Variants in DOCK11 observed in about 807,000 individuals in gnomAD.
The protein encoded by DOCK11 is dedicator of cytokinesis 11, also known as dedicator of cytokinesis protein 11.
Under a neutral mutation model 169.1 loss-of-function variants are expected in DOCK11, and 70 were observed. That is an observed-to-expected ratio of 0.41 (90% CI 0.34 to 0.51). The LOEUF is 0.51. DOCK11 is among the 20% of genes least tolerant of loss of function. The pLI, the probability that DOCK11 is intolerant of heterozygous loss-of-function variation, is 0.10. For synonymous variants in DOCK11, 529 were observed against 541.3 expected (o/e 0.98, Z 0.32); for missense variants, 1,166 against 1,538.8 (o/e 0.76, Z 4.05).
intron 45 of DOCK11, among the ~76,000 whole-genome samples, chrX:118,667,953 A>G (rs2016376993): frequency 8.9e-6 from 1 of 112,316 alleles, no homozygotes; most frequent in South Asian, 3.6e-4. Flanking sequence ...ATATAGAAAT[A>G]TAATTGATTT....
intron 1 of DOCK11, among the ~76,000 whole-genome samples, chrX:118,519,596 G>A (rs1482481838): frequency 9.0e-6 from 1 of 111,686 alleles, no homozygotes; most frequent in Admixed American, 9.5e-5. Flanking sequence ...GAGGCAAGGC[G>A]CTGATGAAAT....
intron 45 of DOCK11, among the ~76,000 whole-genome samples, chrX:118,665,056 C>G (rs1217166296): frequency 8.9e-6 from 1 of 111,894 alleles, no homozygotes; most frequent in African/African-American, 3.2e-5. Context: ...TCTACATAGT[C>G]TGTCTCCCTA....
At chrX:118,521,882 AC>A (rs1332750604) in intron 1 of DOCK11, among the ~76,000 whole-genome samples, 53 of 112,396 alleles carry the variant, frequency 4.7e-4, no homozygotes, top group African/African-American at 1.3e-3. Flanking sequence ...GGTAAAAAAA[AC>A]ATTTCTAAAA....
At chrX:118,514,240 C>T (rs1380233840) in intron 1 of DOCK11, among the ~76,000 whole-genome samples, 1 of 109,937 alleles carries the variant, frequency 9.1e-6, no homozygotes, top group African/African-American at 3.3e-5. Context: ...AGGCCCCCCC[C>T]ATCAATGCTG....
intron 6 of DOCK11, among the ~76,000 whole-genome samples, chrX:118,561,029 G>A (rs1002223758): frequency 1.8e-5 from 2 of 111,430 alleles, no homozygotes; most frequent in South Asian, 3.7e-4. Context: ...TTGGATTCGT[G>A]GTAATAGAAA....
chrX:118,507,770 T>G (rs772566228), intron 1 of DOCK11, among the ~76,000 whole-genome samples: 2 of 112,089 alleles, frequency 1.8e-5, no homozygotes, highest in South Asian at 7.4e-4. Context: ...ACATATCACA[T>G]AGTCATCACC....
chrX:118,679,698 C>T (rs1230358626), intron 48 of DOCK11, among the ~76,000 whole-genome samples: 2 of 110,918 alleles, frequency 1.8e-5, no homozygotes, highest in African/African-American at 6.6e-5. Context: ...ATGATCACAC[C>T]ACTGCACTTG....
At chrX:118,647,708 AATATAAT>A (rs1486722490) in intron 40 of DOCK11, among the ~76,000 whole-genome samples, 120 of 56,869 alleles carry the variant, frequency 2.1e-3, no homozygotes, top group South Asian at 4.6e-3. Flanking sequence ...AATATATAAT[AATATAAT>A]ATATAATAAT....
At chrX:118,576,177 C>T (rs1310576753) in intron 12 of DOCK11, among the ~76,000 whole-genome samples, 1 of 111,920 alleles carries the variant, frequency 8.9e-6, no homozygotes, top group East Asian at 2.8e-4. Flanking sequence ...ATAACCCTAG[C>T]ACATGCCCTG....
intron 36 of DOCK11, among the ~76,000 whole-genome samples, chrX:118,637,349 C>T (rs1056876384): frequency 4.5e-5 from 5 of 111,301 alleles, no homozygotes; most frequent in Non-Finnish European, 7.5e-5. Context: ...ATGGTACTCT[C>T]CCTACTTTTG....
intron 18 of DOCK11, among the ~76,000 whole-genome samples, chrX:118,589,610 G>C (rs1190036260): frequency 8.9e-6 from 1 of 111,829 alleles, no homozygotes; most frequent in Non-Finnish European, 1.9e-5. Context: ...TGGAACCATA[G>C]AAAGCCTTAC....
chrX:118,529,161 T>C, intron 1 of DOCK11, among the ~76,000 whole-genome samples: 1 of 109,232 alleles, frequency 9.2e-6, no homozygotes, highest in East Asian at 2.9e-4. Flanking sequence ...TTTTGGTATT[T>C]TTAGTAGAGA....
chrX:118,526,716 A>G (rs2011385602), intron 1 of DOCK11, among the ~76,000 whole-genome samples: 1 of 112,545 alleles, frequency 8.9e-6, no homozygotes, highest in Non-Finnish European at 1.9e-5. Context: ...TGACTGATAG[A>G]GAAAACCATT....
intron 36 of DOCK11, 38 bp downstream of exon 36, chrX:118,636,450 T>A: frequency 2.7e-6 from 2 of 745,876 alleles, no homozygotes; most frequent in Non-Finnish European, 3.8e-6. Context: ...ACTTTCCCCT[T>A]ATTTGGGGAG....
intron 28 of DOCK11, among the ~76,000 whole-genome samples, chrX:118,610,985 G>T (rs1444277536): frequency 1.8e-5 from 2 of 111,560 alleles, no homozygotes; most frequent in African/African-American, 6.5e-5. Context: ...GTTTCAGTGA[G>T]CCGAAATCAC....
At chrX:118,520,576 T>C (rs1283057438) in intron 1 of DOCK11, among the ~76,000 whole-genome samples, 2 of 112,126 alleles carry the variant, frequency 1.8e-5, no homozygotes, top group Non-Finnish European at 3.8e-5. Flanking sequence ...TTAAAACCCA[T>C]GTCCTTGATA....
rs765980334 is a variant in DOCK11, at chrX:118,573,971, T to C, written c.1342T>C (p.Ser448Pro). Residue 448 changes from serine to proline, a missense_variant, in exon 12 of 53, where the codon TCT becomes CCT. Ser to Pro is a moderately conservative substitution (Grantham distance 74, BLOSUM62 -1). Transcript: ENST00000276202. The part of the protein sequence containing the change: ...DGSPKGSSPE[S>P]YIHGIAESQL... Reference sequence around the variant, plus strand: ...TAGCCCAAAGGGCTCTTCACCCGAATCTTACATTCATGGAATTGCCGAATC... The same window carrying C: ...TAGCCCAAAGGGCTCTTCACCCGAACCTTACATTCATGGAATTGCCGAATC... 5 of 1,212,072 alleles carry C rather than the reference T, an allele frequency of 4.1e-6. No homozygotes were observed. In the East Asian group the frequency reaches 1.5e-4, roughly 36 times the overall value.
intron 30 of DOCK11, among the ~76,000 whole-genome samples, chrX:118,618,290 A>C (rs964059507): frequency 4.5e-5 from 5 of 111,660 alleles, no homozygotes; most frequent in African/African-American, 9.7e-5. Flanking sequence ...AAAAGAATCT[A>C]GGGGAAAAAA....
intron 1 of DOCK11, among the ~76,000 whole-genome samples, chrX:118,514,070 T>C (rs1195618366): frequency 9.0e-6 from 1 of 111,384 alleles, no homozygotes; most frequent in Admixed American, 9.6e-5. Flanking sequence ...GGGGGCAGTT[T>C]TTCTGCATGC....
Sources: allele counts gnomAD v4.1 joint callset (sites outside exome capture counted in the v4.1 genomes callset), GRCh38; gene constraint gnomAD v4.1.1; transcripts MANE v1.5; gene names NCBI Gene and HGNC (gene_info 2026-07-23, HGNC 2026-07-21).